Variants in ATXN7 observed in about 807,000 individuals in gnomAD.
ATXN7 encodes the protein ataxin-7.
Under a neutral mutation model 70.5 loss-of-function variants are expected in ATXN7, and 12 were observed. The observed-to-expected ratio is 0.17, with a 90% CI of 0.11 to 0.28. The LOEUF is 0.28. Among genes scored for constraint, ATXN7 ranks in the 10% least tolerant of loss-of-function variants. The probability of loss-of-function intolerance (pLI) is 1.00; values close to 1 mark genes in which losing one functional copy is unlikely to be tolerated. For missense variants in ATXN7, 1,256 were observed against 1,131.7 expected (o/e 1.11, Z -1.58); for synonymous variants, 498 against 448.7 (o/e 1.11, Z -1.39).
intron 2 of ATXN7, among the ~76,000 whole-genome samples, chr3:63,909,803 A>G (rs1233967593): frequency 6.6e-6 from 1 of 152,184 alleles, no homozygotes; most frequent in East Asian, 1.9e-4. Flanking sequence ...AATACCAGGA[A>G]ATGCCCGTCA....
intron 5 of ATXN7, among the ~76,000 whole-genome samples, chr3:63,962,611 G>A (rs1049074969): frequency 4.6e-5 from 7 of 151,780 alleles, no homozygotes; most frequent in Non-Finnish European, 4.4e-5. Context: ...CGCCATGTTG[G>A]CCAGGCTGGT....
At chr3:63,914,449 A>G (rs1007966924) in intron 4 of ATXN7, among the ~76,000 whole-genome samples, 1 of 152,246 alleles carries the variant, frequency 6.6e-6, no homozygotes, top group African/African-American at 2.4e-5. Context: ...GGTAAAGGAA[A>G]GCAAGGGAAA....
chr3:63,897,052 A>T (rs1449112172), intron 1 of ATXN7, among the ~76,000 whole-genome samples: 1 of 152,242 alleles, frequency 6.6e-6, no homozygotes, highest in Non-Finnish European at 1.5e-5. Flanking sequence ...TATCATGAAC[A>T]TAACATCTTT....
chr3:63,912,986 C>T, intron 3 of ATXN7, 63 bp downstream of exon 3: 2 of 1,239,770 alleles, frequency 1.6e-6, no homozygotes, highest in South Asian at 2.5e-5. Flanking sequence ...CTCCTCCCCT[C>T]CCCCCTGCCC....
rs1702326082 is a variant in ATXN7 at position 63,864,098 on chromosome 3, C to T, written c.-171C>T. ...TGCAGCCCGGGCTCCCGCCGCCCCC[C>T]TTGCAGCCCCCGCCCGGCCCACGCC... On this transcript the variant is annotated 5_prime_UTR_variant, in exon 1 of 13. Transcript: ENST00000674280. Among the ~76,000 whole-genome samples the T allele has an allele frequency of 6.8e-6, 1 of 146,662 alleles. No individual in the cohort carries two copies. Among genetic ancestry groups the T allele is most frequent in the Non-Finnish European group, 1.5e-5 (1 of 65,964 alleles).
intron 5 of ATXN7, among the ~76,000 whole-genome samples, chr3:63,958,723 G>A (rs1032369561): frequency 1.3e-5 from 2 of 152,032 alleles, no homozygotes; most frequent in African/African-American, 4.8e-5. Flanking sequence ...ACTTTTAATA[G>A]TACCTGGTGA....
chr3:63,969,778 G>A (rs1049062893), intron 5 of ATXN7, among the ~76,000 whole-genome samples: 1 of 152,108 alleles, frequency 6.6e-6, no homozygotes, highest in African/African-American at 2.4e-5. Context: ...TCCTTATAAA[G>A]GTAAATTGCT....
At chr3:63,947,436 A>G (rs2074882420) in intron 4 of ATXN7, among the ~76,000 whole-genome samples, 1 of 152,064 alleles carries the variant, frequency 6.6e-6, no homozygotes, top group African/African-American at 2.4e-5. Context: ...AAATAAAACA[A>G]AATTAGCTGG....
intron 11 of ATXN7, among the ~76,000 whole-genome samples, 191 bp from the exon 12 acceptor site, chr3:63,995,314 C>T (rs1382190629): frequency 6.6e-6 from 1 of 152,090 alleles, no homozygotes; most frequent in African/African-American, 2.4e-5. Context: ...ACATACAGTT[C>T]TGTAAGAACT....
chr3:63,913,292 A>G (rs747010580), intron 4 of ATXN7, 67 bp downstream of exon 4: 2 of 1,486,388 alleles, frequency 1.3e-6, no homozygotes, highest in Non-Finnish European at 1.9e-6. Flanking sequence ...GTTCACTGGG[A>G]CCGGGAACAT....
intron 4 of ATXN7, among the ~76,000 whole-genome samples, chr3:63,915,854 G>A (rs1704242880): frequency 2.0e-5 from 3 of 151,802 alleles, no homozygotes; most frequent in Admixed American, 1.3e-4. Context: ...GCTAATTTTT[G>A]TATTTTTTAT....
chr3:63,866,932 T>G (rs1702449674), intron 1 of ATXN7: 1 of 151,696 alleles, frequency 6.6e-6, no homozygotes, highest in Non-Finnish European at 1.5e-5. Context: ...TTATATTTAT[T>G]GATTTATTTG....
chr3:63,911,609 TTC>T (rs932202207), intron 2 of ATXN7: 11 of 152,282 alleles, frequency 7.2e-5, no homozygotes, highest in Admixed American at 5.9e-4. Flanking sequence ...GGGTTAAAGC[TTC>T]TCTCGGTTTG....
chr3:63,880,056 A>G lies in ATXN7; in HGVS notation c.-111+15898A>G, dbSNP rs148625625. Among the ~76,000 whole-genome samples, 481 of 152,208 alleles carry G rather than the reference A, an allele frequency of 3.2e-3. 1 individual carries two copies. The highest frequency in any genetic ancestry group is 0.011 in the African/African-American group (470 of 41,554). Reference sequence around the variant, plus strand: ...AGCTGAGATCGCGCCACTGCACTCTATCCTGGGCAACAGAGCAAGACTCCG... The same window carrying G: ...AGCTGAGATCGCGCCACTGCACTCTGTCCTGGGCAACAGAGCAAGACTCCG... On this transcript the variant is annotated intron_variant, in intron 1 of 12. Coordinates refer to ENST00000674280, the MANE Select transcript of ATXN7 (RefSeq NM_001377405.1).
chr3:63,902,830 T>G (rs1402768529), intron 2 of ATXN7, among the ~76,000 whole-genome samples: 4 of 152,140 alleles, frequency 2.6e-5, no homozygotes, highest in African/African-American at 9.7e-5. Context: ...AATATTAGTT[T>G]AGAGTTTCTT....
chr3:63,876,826 CTGTTT>C (rs1283777801), intron 1 of ATXN7, among the ~76,000 whole-genome samples: 1 of 152,128 alleles, frequency 6.6e-6, no homozygotes, highest in Admixed American at 6.6e-5. Flanking sequence ...AAACACCAGT[CTGTTT>C]TATCTGTCTC....
upstream of ATXN7, chr3:63,863,838 C>A: frequency 8.2e-7 from 1 of 1,219,616 alleles, no homozygotes; most frequent in South Asian, 4.0e-5. Flanking sequence ...GCTGAGGCGG[C>A]GGTTGGCGGC....
chr3:63,971,096 G>A (rs2075306383), intron 5 of ATXN7, among the ~76,000 whole-genome samples: 1 of 152,096 alleles, frequency 6.6e-6, no homozygotes, highest in African/African-American at 2.4e-5. Flanking sequence ...AATTTGTTAG[G>A]GCAGCCAGTG....
chr3:63,959,449 C>A (rs2075089418), intron 5 of ATXN7, among the ~76,000 whole-genome samples: 1 of 152,072 alleles, frequency 6.6e-6, no homozygotes, highest in East Asian at 1.9e-4. Flanking sequence ...TCCAGGTTGG[C>A]CTTTTGCCCT....
Sources: gnomAD v4.1 joint callset for allele counts (sites outside exome capture counted in the v4.1 genomes callset) on GRCh38, gnomAD v4.1.1 for gene constraint, MANE v1.5 for transcripts, NCBI Gene and HGNC (gene_info 2026-07-23, HGNC 2026-07-21) for gene names.